Variants in CACNA2D3 observed in about 807,000 individuals in gnomAD.
CACNA2D3 encodes calcium voltage-gated channel auxiliary subunit alpha2delta 3.
CACNA2D3 carries 60 observed loss-of-function variants against 160.6 expected under a neutral mutation model. The ratio of observed to expected loss-of-function variants is 0.37; its 90% CI spans 0.30 to 0.46. The LOEUF is 0.46. Among genes scored for constraint, CACNA2D3 ranks in the 20% least tolerant of loss-of-function variants. CACNA2D3 has a pLI of 1.00. For missense variants in CACNA2D3, 1,205 were observed against 1,365.0 expected, an observed-to-expected ratio of 0.88 and a Z score of 1.85; for synonymous variants, 558 against 492.9, an observed-to-expected ratio of 1.13 and a Z score of -1.75.
intron 31 of CACNA2D3, among the ~76,000 whole-genome samples, chr3:54,996,459 G>GC (rs1702861643): frequency 6.6e-6 from 1 of 152,194 alleles, no homozygotes; most frequent in Non-Finnish European, 1.5e-5. Flanking sequence ...TTGATCACTT[G>GC]CCCCAGGAGC....
chr3:54,907,932 C>A (rs886287375), intron 27 of CACNA2D3, among the ~76,000 whole-genome samples: 1 of 152,098 alleles, frequency 6.6e-6, no homozygotes, highest in Admixed American at 6.5e-5. Context: ...ATATAATATT[C>A]CCTTGTATGG....
chr3:54,867,619 C>T (rs1559609923), intron 17 of CACNA2D3, among the ~76,000 whole-genome samples: 1 of 151,896 alleles, frequency 6.6e-6, no homozygotes, highest in Non-Finnish European at 1.5e-5. Context: ...CAGGTACAGC[C>T]TGATCCAGGT....
chr3:54,923,476 G>A (rs1243239535), intron 27 of CACNA2D3, among the ~76,000 whole-genome samples: 1 of 152,002 alleles, frequency 6.6e-6, no homozygotes, highest in Non-Finnish European at 1.5e-5. Flanking sequence ...TCAAAAATGA[G>A]ACCCACATTC....
chr3:54,781,604 C>T (rs141881326), intron 13 of CACNA2D3, among the ~76,000 whole-genome samples: 15 of 152,156 alleles, frequency 9.9e-5, no homozygotes, highest in Non-Finnish European at 1.3e-4. Context: ...GAAATACAGC[C>T]TAAGTCCTTG....
intron 29 of CACNA2D3, among the ~76,000 whole-genome samples, chr3:54,974,069 G>C (rs1702332227): frequency 1.3e-5 from 2 of 152,042 alleles, no homozygotes; most frequent in African/African-American, 2.4e-5. Context: ...CAAACAAAAG[G>C]CATCCTTCCA....
chr3:54,352,112 A>G (rs981294755), intron 3 of CACNA2D3, among the ~76,000 whole-genome samples: 7 of 152,138 alleles, frequency 4.6e-5, no homozygotes, highest in Non-Finnish European at 8.8e-5. Context: ...TATTCTTATA[A>G]TCCACTTGGA....
At chr3:54,929,310 T>C (rs1436145567) in intron 27 of CACNA2D3, among the ~76,000 whole-genome samples, 1 of 152,136 alleles carries the variant, frequency 6.6e-6, no homozygotes, top group Non-Finnish European at 1.5e-5. Context: ...CAATTTTGCA[T>C]GAGAAAGGCT....
intron 17 of CACNA2D3, among the ~76,000 whole-genome samples, chr3:54,851,026 A>C (rs1029074355): frequency 6.6e-6 from 1 of 152,246 alleles, no homozygotes; most frequent in Non-Finnish European, 1.5e-5. Context: ...CCAATAACTC[A>C]AACTCTAATA....
At chr3:54,993,979 G>T (rs1265193952) in intron 31 of CACNA2D3, among the ~76,000 whole-genome samples, 1 of 150,198 alleles carries the variant, frequency 6.7e-6, no homozygotes, top group Non-Finnish European at 1.5e-5. Flanking sequence ...GCTGTGCTTG[G>T]TGCAACACGC....
intron 13 of CACNA2D3, among the ~76,000 whole-genome samples, chr3:54,773,602 C>A (rs73845455): frequency 0.013 from 1,933 of 152,242 alleles, 44 homozygotes; most frequent in African/African-American, 0.044. Context: ...CACTTCTGGC[C>A]CCGCAGTCAT....
chr3:54,659,230 G>A (rs1042878434), intron 11 of CACNA2D3, among the ~76,000 whole-genome samples: 1 of 152,200 alleles, frequency 6.6e-6, no homozygotes, highest in African/African-American at 2.4e-5. Context: ...CACTTTGTGA[G>A]CTGGGCACTG....
chr3:54,928,182 T>G, intron 27 of CACNA2D3: 10 of 484,138 alleles, frequency 2.1e-5, no homozygotes, highest in East Asian at 6.7e-5. Context: ...AATGTTGGCC[T>G]CCCCAGGATC....
intron 2 of CACNA2D3, among the ~76,000 whole-genome samples, chr3:54,300,504 G>A (rs1442865286): frequency 6.6e-6 from 1 of 152,212 alleles, no homozygotes; most frequent in Non-Finnish European, 1.5e-5. Flanking sequence ...GAGAGGGGTA[G>A]AGCTTGTAAG....
At chr3:54,840,403 C>CTTTTTTTTTTTT (rs1174129020) in intron 16 of CACNA2D3, among the ~76,000 whole-genome samples, 1 of 73,448 alleles carries the variant, frequency 1.4e-5, no homozygotes, top group African/African-American at 5.6e-5. Flanking sequence ...AGAACCATGT[C>CTTTTTTTTTTTT]TTTTTTTTTT....
chr3:54,928,509 G>A (rs1033718568), intron 27 of CACNA2D3, among the ~76,000 whole-genome samples: 5 of 152,140 alleles, frequency 3.3e-5, no homozygotes, highest in Non-Finnish European at 7.4e-5. Flanking sequence ...AGGCTGACAC[G>A]GTTTGCACCG....
chr3:55,020,528 A>T (rs1470389947), intron 35 of CACNA2D3, among the ~76,000 whole-genome samples: 1 of 151,530 alleles, frequency 6.6e-6, no homozygotes, highest in East Asian at 1.9e-4. Flanking sequence ...ATGTGAAAAT[A>T]TACTTGCTTT....
chr3:54,651,001 T>C (rs1699753205), intron 11 of CACNA2D3, among the ~76,000 whole-genome samples: 1 of 152,202 alleles, frequency 6.6e-6, no homozygotes, highest in Non-Finnish European at 1.5e-5. Context: ...ATGAAGAGGC[T>C]ACATTCAGGA....
At chr3:54,502,139 T>G (rs2106943397) in intron 4 of CACNA2D3, among the ~76,000 whole-genome samples, 1 of 152,340 alleles carries the variant, frequency 6.6e-6, no homozygotes, top group African/African-American at 2.4e-5. Context: ...TTGTGTTCAG[T>G]GTTCTCTCAA....
intron 2 of CACNA2D3, among the ~76,000 whole-genome samples, chr3:54,149,883 G>GTCTCTCTCTCTCTCTCTC (rs554851240): frequency 8.2e-5 from 5 of 60,766 alleles, no homozygotes; most frequent in African/African-American, 2.2e-4. Context: ...TGAAGTATCT[G>GTCTCTCTCTCTCTCTCTC]TCTCTCTCTC....
Sources: gnomAD v4.1 joint callset for allele counts (sites outside exome capture counted in the v4.1 genomes callset) on GRCh38, gnomAD v4.1.1 for gene constraint, MANE v1.5 for transcripts, NCBI Gene and HGNC (gene_info 2026-07-23, HGNC 2026-07-21) for gene names.